Variants in FAM9B observed in about 807,000 individuals in gnomAD.
FAM9B encodes family with sequence similarity 9 member B.
FAM9B carries 18 observed loss-of-function variants against 16.6 expected under a neutral mutation model. That is an observed-to-expected ratio of 1.09 (90% CI 0.75 to 1.61). The LOEUF is 1.61. FAM9B is among the 40% of genes most tolerant of loss of function. FAM9B has a pLI of 0.00. For synonymous variants in FAM9B, 43 were observed against 42.6 expected (o/e 1.01, Z -0.03); for missense variants, 155 against 136.0 (o/e 1.14, Z -0.70).
rs776028425 is a variant in FAM9B at position 9,032,165 on chromosome X, T to C, written c.150-4A>G. 54 of 1,201,944 alleles carry C rather than the reference T, an allele frequency of 4.5e-5. No homozygotes were observed. Among genetic ancestry groups the C allele is most frequent in the Non-Finnish European group, 5.8e-5 (52 of 891,718 alleles). On this transcript the variant is annotated splice_region_variant and splice_polypyrimidine_tract_variant and intron_variant, in intron 3 of 8. Transcript: ENST00000327220. Reference sequence around the variant, plus strand: ...TTCTGGCTTCTTGGTATTAGCCCTGTAAAAAAAGTTACATCAAAATTTTAA... The same window carrying C: ...TTCTGGCTTCTTGGTATTAGCCCTGCAAAAAAAGTTACATCAAAATTTTAA...
chrX:9,032,764 G>GAGCCTTCCACGGGGA, intron 2 of FAM9B, 195 bp downstream of exon 2: 1 of 595,637 alleles, frequency 1.7e-6, no homozygotes. Flanking sequence ...CTATGAGGGG[G>GAGCCTTCCACGGGGA]AGCCTTCCAC....
chrX:9,031,922 A>G (rs1244716079), intron 4 of FAM9B: 2 of 390,172 alleles, frequency 5.1e-6, no homozygotes, highest in East Asian at 8.0e-5. Context: ...TCGCTTCACC[A>G]TTATTAGAAG....
At chrX:9,033,700 A>G in intron 1 of FAM9B, 152 bp downstream of exon 1, 1 of 101,853 alleles carries the variant, frequency 9.8e-6, no homozygotes, top group Non-Finnish European at 1.2e-5. Context: ...AGCCCACCCT[A>G]GCCCACCCTC....
chrX:9,032,543 T>C, intron 2 of FAM9B, 82 bp from the exon 3 acceptor site: 1 of 313,397 alleles, frequency 3.2e-6, no homozygotes. Flanking sequence ...GTACTAGTTG[T>C]AGACTTTTTT....
chrX:9,025,548 A>G lies in FAM9B; in HGVS notation c.528T>C (p.Val176=). The G allele has an allele frequency of 8.3e-7, 1 of 1,208,434 alleles. No homozygotes were observed. The highest frequency in any genetic ancestry group is 1.1e-6 in the Non-Finnish European group (1 of 894,205). ...CAAGTTCACTGTCTTCATCGGAAAA[A>G]ACTCTGTCACAAAGGTCTTCAAAGT... is the stretch of plus-strand genomic sequence containing the variant. The part of the protein sequence containing the change: ...LEDFEDLCDR[V]FSDEDSELDN The change falls in exon 8 of 9, where the codon GTT becomes GTC. Residue 176 remains valine (V), a synonymous_variant. Transcript: ENST00000327220.
chrX:9,032,559 G>C lies in FAM9B; in HGVS notation c.29-98C>G, dbSNP rs1019589796. On this transcript the variant is annotated intron_variant, in intron 2 of 8. Transcript: ENST00000327220. ...TACTAGTTGTAGACTTTTTTGGGGG[G>C]GGGGGGCTCTCTGCCAATTAAAGCT... is the stretch of plus-strand genomic sequence containing the variant. 10 of 555,356 alleles carry C rather than the reference G, an allele frequency of 1.8e-5. No individual in the cohort carries two copies. The East Asian group carries it at 2.5e-4, about 14-fold the overall frequency. The allele number at this position is 555,356 out of a possible 1,213,427, so 45.8% of individuals were successfully genotyped here. A position where few individuals can be genotyped will look rare whatever the true frequency, so the allele number is the denominator to read the frequency against.
Position 9,027,960 on chromosome X carries a change from A to G in FAM9B, c.400T>C (p.Phe134Leu). 8.3e-7 allele frequency: 1 copy of G among 1,197,765 alleles called. No homozygotes were observed. The highest frequency in any genetic ancestry group is 1.1e-6 in the Non-Finnish European group (1 of 883,772). ...EGEEEELIRI[F>L]QEQQKKWQQY... is the part of the protein sequence containing the mutation. ...TGCCACTTCTTCTGTTGTTCTTGAA[A>G]TATTCTCTAGAATCCCAAAACAAAA... The change falls in exon 7 of 9, where the codon TTT becomes CTT. Residue 134 changes from phenylalanine to leucine, a missense_variant. Transcript: ENST00000327220.
chrX:9,033,709 T>A, intron 1 of FAM9B, 143 bp downstream of exon 1: 11 of 28,178 alleles, frequency 3.9e-4, no homozygotes, highest in Middle Eastern at 0.018. Flanking sequence ...TAGCCCACCC[T>A]CAGGGCCTCG....
chrX:9,029,171 T>C, intron 6 of FAM9B, 136 bp downstream of exon 6: 3 of 481,700 alleles, frequency 6.2e-6, no homozygotes, highest in South Asian at 3.8e-5. Flanking sequence ...TATATTCCCC[T>C]AGTCCATTAG....
chrX:9,029,213 G>T, intron 6 of FAM9B, 94 bp downstream of exon 6: 1 of 749,647 alleles, frequency 1.3e-6, no homozygotes, highest in Non-Finnish European at 2.0e-6. Context: ...CTGGGCTCAT[G>T]CGCTCTTCCT....
In FAM9B at chrX:9,025,551, T is replaced by C. The variant is rs745564131; in HGVS notation, c.525A>G (p.Arg175=). The change falls in exon 8 of 9, where the codon AGA becomes AGG. Residue 175 remains arginine, a synonymous_variant. Transcript: ENST00000327220. ...ALEDFEDLCD[R]VFSDEDSELD... The stretch of plus-strand genomic sequence containing the variant: ...GTTCACTGTCTTCATCGGAAAAAAC[T>C]CTGTCACAAAGGTCTTCAAAGTCCT... The C allele has an allele frequency of 1.7e-6, 2 of 1,208,685 alleles. No individual in the cohort carries two copies. The highest frequency in any genetic ancestry group is 2.3e-4 in the Middle Eastern group (1 of 4,308).
intron 1 of FAM9B, 197 bp downstream of exon 1, chrX:9,033,655 G>C: frequency 1.5e-6 from 1 of 672,445 alleles, no homozygotes; most frequent in Non-Finnish European, 1.8e-6. Context: ...GATCACCCAG[G>C]CAGCTCCAGC....
In FAM9B at chrX:9,025,385, A is replaced by G; in HGVS notation, c.*32-8T>C. 2 of 512,226 alleles carry G rather than the reference A, an allele frequency of 3.9e-6. No homozygotes were observed. The highest frequency in any genetic ancestry group is 5.9e-5 in the South Asian group (1 of 16,813). 42.2% of individuals were successfully genotyped at this position (512,226 alleles called of 1,213,427 possible). ...TGCCAACTTTTCCAAAAGCTGTTTC[A>G]AAAAAAAATTTAAGTAACTGTAATA... On this transcript the variant is annotated splice_region_variant and splice_polypyrimidine_tract_variant and intron_variant, in intron 8 of 8. Transcript: ENST00000327220.
At chrX:9,025,612 AACC>A (rs1920960869) in intron 7 of FAM9B, 29 bp from the exon 8 acceptor site, 2 of 1,114,171 alleles carry the variant, frequency 1.8e-6, no homozygotes, top group East Asian at 6.0e-5. Context: ...TTCACTGACA[AACC>A]ACCACTTTAT....
chrX:9,029,536 A>T lies in FAM9B; in HGVS notation c.282-118T>A, dbSNP rs1921009733. 6.8e-6 allele frequency: 3 copies of T among 442,075 alleles called. No individual in the cohort carries two copies. In the East Asian group the frequency reaches 1.2e-4, roughly 17 times the overall value. 36.4% of individuals were successfully genotyped at this position (442,075 alleles called of 1,213,427 possible). On this transcript the variant is annotated intron_variant, in intron 5 of 8. Transcript: ENST00000327220. ...TATAAAGTAGCAAGGGAGTAATAGC[A>T]GCTGAAATCTTCTTTTTGGAAAAAA...
At chrX:9,032,656 G>T in intron 2 of FAM9B, 195 bp from the exon 3 acceptor site, 1 of 669,611 alleles carries the variant, frequency 1.5e-6, no homozygotes, top group Non-Finnish European at 2.2e-6. Context: ...AGCCCTTCGG[G>T]TTCAGGTTCC....
chrX:9,033,389 C>T (rs952022900), intron 1 of FAM9B: 84 of 973,224 alleles, frequency 8.6e-5, no homozygotes, highest in Non-Finnish European at 1.0e-4. Flanking sequence ...CTGGGAGGGC[C>T]GCTGGGTGAC....
At chrX:9,033,721 C>CCTGA in intron 1 of FAM9B, 131 bp downstream of exon 1, 1 of 741,493 alleles carries the variant, frequency 1.3e-6, no homozygotes, top group Non-Finnish European at 1.6e-6. Context: ...AGGGCCTCGC[C>CCTGA]CTGACCCAGG....
chrX:9,032,891 C>T (rs1266853433), intron 2 of FAM9B, 68 bp downstream of exon 2: 2 of 1,179,429 alleles, frequency 1.7e-6, no homozygotes, highest in Non-Finnish European at 2.3e-6. Context: ...GTGCCCCCAG[C>T]GCAGAAAGCA....
Sources: allele counts gnomAD v4.1 joint callset, GRCh38; gene constraint gnomAD v4.1.1; transcripts MANE v1.5; gene names NCBI Gene and HGNC (gene_info 2026-07-23, HGNC 2026-07-21).